The following ADK variants were observed in gnomAD, a reference collection of about 807,000 sequenced individuals.
ADK encodes adenosine kinase.
Under a neutral mutation model 44.7 loss-of-function variants are expected in ADK, and 24 were observed. That is an observed-to-expected ratio of 0.54 (90% CI 0.39 to 0.76). ADK has a LOEUF of 0.76. ADK is among the 30% of genes least tolerant of loss of function. ADK has a pLI of 0.00. For synonymous variants in ADK, 128 were observed against 142.6 expected (o/e 0.90, Z 0.73); for missense variants, 321 against 425.1 (o/e 0.76, Z 2.15).
intron 3 of ADK, among the ~76,000 whole-genome samples, chr10:74,243,941 T>C (rs552439599): frequency 6.6e-6 from 1 of 152,336 alleles, no homozygotes; most frequent in East Asian, 1.9e-4. Context: ...TTGAACTGTA[T>C]AGATGTATTA....
intron 1 of ADK, among the ~76,000 whole-genome samples, chr10:74,172,140 T>TC (rs1168210855): frequency 5.2e-5 from 7 of 135,458 alleles, no homozygotes; most frequent in African/African-American, 2.1e-4. Context: ...GGATTTTCTT[T>TC]TTTTTTTTTT....
chr10:74,188,663 C>T (rs1201906278), intron 1 of ADK, among the ~76,000 whole-genome samples: 1 of 152,000 alleles, frequency 6.6e-6, no homozygotes, highest in African/African-American at 2.4e-5. Flanking sequence ...CCTTGCTCTC[C>T]TCTTGTGGAT....
intron 7 of ADK, among the ~76,000 whole-genome samples, chr10:74,538,679 A>T (rs574807708): frequency 7.2e-5 from 11 of 152,290 alleles, no homozygotes; most frequent in Admixed American, 7.2e-4. Flanking sequence ...TTATAAGTAA[A>T]CTATCATTAT....
intron 7 of ADK, among the ~76,000 whole-genome samples, chr10:74,561,759 G>A (rs1464065572): frequency 2.0e-5 from 3 of 152,176 alleles, no homozygotes; most frequent in African/African-American, 7.2e-5. Context: ...GAAGTATGGA[G>A]GCTGGCTAAG....
At chr10:74,176,646 CTG>C in intron 1 of ADK, 1 of 1,411,108 alleles carries the variant, frequency 7.1e-7, no homozygotes, top group Non-Finnish European at 9.2e-7. Flanking sequence ...CCCACGGCGT[CTG>C]GGGACGATCT....
chr10:74,491,843 G>A (rs1296321788), intron 6 of ADK, among the ~76,000 whole-genome samples: 1 of 152,134 alleles, frequency 6.6e-6, no homozygotes, highest in Non-Finnish European at 1.5e-5. Flanking sequence ...TAGTGTTATT[G>A]TGGTTAGGAG....
At position 74,305,253 on chromosome 10, in the gene ADK, C is replaced by T. The variant is rs952788882; in HGVS notation, c.195-9414C>T. On this transcript the variant is annotated intron_variant, in intron 3 of 10. Transcript: ENST00000539909. ...GAACATACGGATATGGAGGGCCAGC[C>T]GTACTTGCCCCATGTCATATAATTA... Among the ~76,000 whole-genome samples, 4 of 152,120 alleles carry T rather than the reference C, an allele frequency of 2.6e-5. No individual in the cohort carries two copies. The East Asian group carries it at 5.8e-4, about 22-fold the overall frequency.
chr10:74,439,507 A>G (rs771060480), intron 6 of ADK, among the ~76,000 whole-genome samples: 1 of 152,162 alleles, frequency 6.6e-6, no homozygotes, highest in Admixed American at 6.5e-5. Context: ...GCAGCCGACC[A>G]TTATTCTGGG....
At chr10:74,420,740 CT>C (rs1844528573) in intron 6 of ADK, among the ~76,000 whole-genome samples, 1 of 152,110 alleles carries the variant, frequency 6.6e-6, no homozygotes, top group Non-Finnish European at 1.5e-5. Flanking sequence ...AACTCAATAA[CT>C]TTTAAGTAGT....
intron 7 of ADK, among the ~76,000 whole-genome samples, chr10:74,579,385 T>C (rs2133888744): frequency 6.6e-6 from 1 of 152,108 alleles, no homozygotes; most frequent in South Asian, 2.1e-4. Flanking sequence ...TAGCATGTAA[T>C]ACTTTAAAAT....
intron 3 of ADK, among the ~76,000 whole-genome samples, chr10:74,305,526 G>C (rs915028716): frequency 6.6e-6 from 1 of 151,938 alleles, no homozygotes; most frequent in Non-Finnish European, 1.5e-5. Flanking sequence ...ACAGGTGGCT[G>C]TTTCCATCCC....
chr10:74,229,751 A>G (rs1844683807), intron 3 of ADK, among the ~76,000 whole-genome samples: 1 of 152,102 alleles, frequency 6.6e-6, no homozygotes, highest in African/African-American at 2.4e-5. Flanking sequence ...CTTTGAAATC[A>G]TCAAGATCAT....
chr10:74,154,110 G>A (rs999745652), intron 1 of ADK, among the ~76,000 whole-genome samples: 6 of 152,128 alleles, frequency 3.9e-5, no homozygotes, highest in African/African-American at 1.4e-4. Flanking sequence ...TTATAGGAAA[G>A]TTTGTTTGGT....
intron 9 of ADK, among the ~76,000 whole-genome samples, chr10:74,616,564 T>C (rs187697790): frequency 6.6e-6 from 1 of 152,274 alleles, no homozygotes; most frequent in Admixed American, 6.5e-5. Context: ...TTTAGGCTAT[T>C]TCATTGTCCT....
intron 1 of ADK, among the ~76,000 whole-genome samples, chr10:74,182,262 G>A (rs1842586320): frequency 1.3e-5 from 2 of 151,872 alleles, no homozygotes; most frequent in South Asian, 4.2e-4. Flanking sequence ...TTTTTATGCT[G>A]TGGGATGTTT....
chr10:74,394,420 T>C, intron 5 of ADK, 107 bp downstream of exon 5: 1 of 1,091,722 alleles, frequency 9.2e-7, no homozygotes, highest in Non-Finnish European at 1.4e-6. Flanking sequence ...TTCCTTTTAA[T>C]GTTTGATAAA....
chr10:74,302,224 G>T (rs1592014181), intron 3 of ADK, among the ~76,000 whole-genome samples: 1 of 144,676 alleles, frequency 6.9e-6, no homozygotes, highest in Admixed American at 7.2e-5. Flanking sequence ...TACCTCCCGG[G>T]TTCAAGCGAT....
At chr10:74,565,892 A>G (rs965708363) in intron 7 of ADK, among the ~76,000 whole-genome samples, 1 of 152,216 alleles carries the variant, frequency 6.6e-6, no homozygotes, top group Non-Finnish European at 1.5e-5. Context: ...TGTATAATAA[A>G]GACAAAATTG....
chr10:74,655,071 C>CCGAAGGACATA, intron 9 of ADK: 1 of 243,956 alleles, frequency 4.1e-6, no homozygotes, highest in Non-Finnish European at 8.1e-6. Context: ...CCCGGGCCGC[C>CCGAAGGACATA]TTCCCTTCAT....
Sources: gnomAD v4.1 joint callset for allele counts (sites outside exome capture counted in the v4.1 genomes callset) on GRCh38, gnomAD v4.1.1 for gene constraint, MANE v1.5 for transcripts, NCBI Gene and HGNC (gene_info 2026-07-23, HGNC 2026-07-21) for gene names.